Variants in PDCD2L observed in about 807,000 individuals in gnomAD.
PDCD2L encodes programmed cell death 2 like, also known as uS5 assembly chaperone PDCD2L.
A neutral mutation model predicts 40.4 loss-of-function variants in PDCD2L; 44 were observed. That is an observed-to-expected ratio of 1.09 (90% CI 0.86 to 1.40). The LOEUF (loss-of-function observed/expected upper bound fraction) is 1.40. Ranked by LOEUF, PDCD2L falls within the 40% of genes most tolerant of loss-of-function variation. The pLI is 0.00. For missense variants in PDCD2L, 470 were observed against 453.7 expected, an observed-to-expected ratio of 1.04 and a Z score of -0.33; for synonymous variants, 194 against 174.6, an observed-to-expected ratio of 1.11 and a Z score of -0.88.
chr19:34,418,233 A>C (rs943440734), intron 5 of PDCD2L, among the ~76,000 whole-genome samples: 1 of 152,202 alleles, frequency 6.6e-6, no homozygotes, highest in African/African-American at 2.4e-5. Context: ...CAAGACAGTA[A>C]ACATATTCCT....
At chr19:34,416,843 C>T (rs750310946) in intron 5 of PDCD2L, among the ~76,000 whole-genome samples, 6 of 152,146 alleles carry the variant, frequency 3.9e-5, no homozygotes, top group African/African-American at 7.2e-5. Flanking sequence ...CAGCTGGACT[C>T]GGTGGCTCAC....
At chr19:34,425,575 C>G (rs2075173432) in intron 6 of PDCD2L, among the ~76,000 whole-genome samples, 2 of 151,768 alleles carry the variant, frequency 1.3e-5, no homozygotes, top group Admixed American at 6.6e-5. Context: ...AGACAGGTGT[C>G]TCACTATGTT....
intron 4 of PDCD2L, among the ~76,000 whole-genome samples, chr19:34,412,673 G>T (rs1030018753): frequency 7.4e-5 from 11 of 149,118 alleles, no homozygotes; most frequent in African/African-American, 2.7e-4. Context: ...AGCCAAGATT[G>T]CACCATTGCA....
At chr19:34,424,745 ATTTT>A (rs34350684) in intron 6 of PDCD2L, among the ~76,000 whole-genome samples, 8 of 130,704 alleles carry the variant, frequency 6.1e-5, no homozygotes, top group South Asian at 2.3e-4. Context: ...CCATTTTTTC[ATTTT>A]TTTTTTTTTT....
rs1205635021 is a variant in PDCD2L, at chr19:34,409,362, C to T, written c.538C>T (p.Pro180Ser). Reference protein sequence around the residue: ...AVLGAAHPVPPGLPLFLPYYI... With the variant: ...AVLGAAHPVPSGLPLFLPYYI... ...CCTGGGTGCTGCCCATCCTGTGCCT[C>T]CTGGGCTGCCGCTCTTCCTGCCCTA... Residue 180 changes from proline (P) to serine (S), a missense_variant, in exon 4 of 7, where the codon CCT (proline) becomes TCT (serine). Transcript: ENST00000246535. 1 of 1,614,202 alleles carries T rather than the reference C, an allele frequency of 6.2e-7. No homozygotes were observed. The highest frequency in any genetic ancestry group is 8.5e-7 in the Non-Finnish European group (1 of 1,180,034).
At chr19:34,413,318 G>A (rs2075112504) in intron 4 of PDCD2L, among the ~76,000 whole-genome samples, 1 of 149,700 alleles carries the variant, frequency 6.7e-6, no homozygotes. Flanking sequence ...GGGATTAAAG[G>A]CGTGATTGAT....
chr19:34,418,429 C>T (rs796725939), intron 5 of PDCD2L, among the ~76,000 whole-genome samples: 17 of 152,160 alleles, frequency 1.1e-4, no homozygotes, highest in African/African-American at 4.1e-4. Flanking sequence ...ACTTAGAATA[C>T]TTCAAGATTC....
At chr19:34,408,946 A>G (rs1172173235) in intron 3 of PDCD2L, among the ~76,000 whole-genome samples, 1 of 152,178 alleles carries the variant, frequency 6.6e-6, no homozygotes, top group Non-Finnish European at 1.5e-5. Flanking sequence ...TATATCTGTC[A>G]CACTCACCCC....
At position 34,404,801 on chromosome 19, in the gene PDCD2L, C is replaced by A; in HGVS notation, c.261C>A (p.Thr87=). ...VFACACPGCS[T]GGARSWKVFR... is the part of the protein sequence containing the mutation. ...CGTGCGCCTGCCCCGGCTGTAGCAC[C>A]GGCGGTGCGCGCAGGTAGGCGGGGA... The change falls in exon 2 of 7, where the codon ACC becomes ACA. Residue 87 remains threonine, a synonymous_variant. Transcript: ENST00000246535. The A allele has an allele frequency of 6.2e-7, 1 of 1,603,774 alleles. No individual in the cohort carries two copies. The highest frequency in any genetic ancestry group is 1.1e-5 in the South Asian group (1 of 90,180).
In PDCD2L at chr19:34,409,276, G is replaced by T. The variant is rs1361428613; in HGVS notation, c.452G>T (p.Ser151Ile). The T allele has an allele frequency of 5.6e-6, 9 of 1,614,044 alleles. No individual in the cohort carries two copies. In the Admixed American group the frequency reaches 6.7e-5, roughly 12 times the overall value. The change falls in exon 4 of 7, where the codon AGC becomes ATC. Residue 151 changes from serine (S) to isoleucine (I), a missense_variant. Transcript: ENST00000246535. ...ACCTTGGATTTTGGGAATGATGCCAGCAGTGCCAAAGACGTAGACTGGACT... is the reference window on the plus strand; with the variant it reads ...ACCTTGGATTTTGGGAATGATGCCATCAGTGCCAAAGACGTAGACTGGACT... ...QFTLDFGNDASSAKDVDWTAR... is the reference protein window; with the variant it reads ...QFTLDFGNDAISAKDVDWTAR...
intron 6 of PDCD2L, among the ~76,000 whole-genome samples, chr19:34,422,786 G>T (rs1599876398): frequency 1.3e-5 from 2 of 151,664 alleles, no homozygotes; most frequent in African/African-American, 4.8e-5. Context: ...CATAATCTCA[G>T]CTCACTGCAA....
chr19:34,411,085 A>T (rs1226642906), intron 4 of PDCD2L, among the ~76,000 whole-genome samples: 2 of 145,050 alleles, frequency 1.4e-5, no homozygotes, highest in African/African-American at 5.1e-5. Context: ...GCCCGGCAGG[A>T]TTTTTTATTT....
chr19:34,413,942 C>T, intron 5 of PDCD2L, 95 bp downstream of exon 5: 2 of 757,042 alleles, frequency 2.6e-6, no homozygotes, highest in South Asian at 1.7e-5. Context: ...AAAAGCAAAA[C>T]CTACAGTATT....
intron 6 of PDCD2L, among the ~76,000 whole-genome samples, chr19:34,424,164 AG>A (rs1187418448): frequency 6.6e-6 from 1 of 152,064 alleles, no homozygotes; most frequent in Non-Finnish European, 1.5e-5. Flanking sequence ...TTTTTCTGGA[AG>A]GGCTTATGGG....
intron 3 of PDCD2L, among the ~76,000 whole-genome samples, chr19:34,407,522 A>G (rs1315398704): frequency 6.6e-6 from 1 of 151,952 alleles, no homozygotes; most frequent in South Asian, 2.1e-4. Context: ...TACATGCAGC[A>G]TTTGTCTTTG....
At chr19:34,425,070 A>C (rs1277189428) in intron 6 of PDCD2L, among the ~76,000 whole-genome samples, 1 of 152,040 alleles carries the variant, frequency 6.6e-6, no homozygotes, top group African/African-American at 2.4e-5. Context: ...ATTTTTAAAC[A>C]ATGTATTTCT....
At chr19:34,419,488 TC>T (rs1234435441) in intron 5 of PDCD2L, among the ~76,000 whole-genome samples, 4 of 114,278 alleles carry the variant, frequency 3.5e-5, no homozygotes, top group African/African-American at 1.4e-4. Flanking sequence ...TATTGTTTTT[TC>T]CTCCATTTCC....
intron 4 of PDCD2L, among the ~76,000 whole-genome samples, chr19:34,413,003 G>A (rs1291505399): frequency 6.6e-6 from 1 of 152,080 alleles, no homozygotes; most frequent in African/African-American, 2.4e-5. Context: ...GCCTCCCAAA[G>A]TGCTGGGATT....
At position 34,404,744 on chromosome 19, in the gene PDCD2L, CT is replaced by C; in HGVS notation, c.205del (p.Ser69ProfsTer88). ...VVQVYCPLEGSPFHRLLHVFA... is the reference protein window; with the variant it reads ...VVQVYCPLEGXPFHRLLHVFA... ...TGCAGGTGTATTGCCCGCTGGAAGG[CT>C]CCCCGTTTCACCGTCTGCTGCACGT... On this transcript the variant is annotated frameshift_variant, in exon 2 of 7. Transcript: ENST00000246535. LOFTEE classifies it high-confidence loss of function. 6.2e-7 allele frequency: 1 copy of C among 1,611,968 alleles called. No homozygotes were observed. The highest frequency in any genetic ancestry group is 8.5e-7 in the Non-Finnish European group (1 of 1,179,766).
Sources: allele counts gnomAD v4.1 joint callset (sites outside exome capture counted in the v4.1 genomes callset), GRCh38; gene constraint gnomAD v4.1.1; transcripts MANE v1.5; gene names NCBI Gene and HGNC (gene_info 2026-07-23, HGNC 2026-07-21).